The following FSTL4 variants were observed in gnomAD, a reference collection of about 807,000 sequenced individuals.
FSTL4 encodes follistatin like 4, also known as follistatin-related protein 4.
FSTL4 carries 28 observed loss-of-function variants against 78.2 expected under a neutral mutation model. That is an observed-to-expected ratio of 0.36 (90% CI 0.27 to 0.49). The LOEUF (loss-of-function observed/expected upper bound fraction) is 0.49. Ranked by LOEUF, FSTL4 falls within the 20% of genes least tolerant of loss-of-function variation. The pLI, the probability that FSTL4 is intolerant of heterozygous loss-of-function variation, is 0.98. For missense variants in FSTL4, 922 were observed against 1,084.9 expected, an observed-to-expected ratio of 0.85 and a Z score of 2.11; for synonymous variants, 422 against 440.5, an observed-to-expected ratio of 0.96 and a Z score of 0.53.
chr5:133,556,483 T>G (rs1759789295), intron 3 of FSTL4, among the ~76,000 whole-genome samples: 1 of 152,138 alleles, frequency 6.6e-6, no homozygotes, highest in South Asian at 2.1e-4. Context: ...CCCAACACTT[T>G]GGGAGGCTGA....
the FSTL4 span, among the ~76,000 whole-genome samples, chr5:133,773,325 A>G: frequency 6.6e-6 from 1 of 151,540 alleles, no homozygotes; most frequent in Admixed American, 6.6e-5. Flanking sequence ...TGTCCTCGAT[A>G]TTTCTTTCTG....
chr5:133,231,039 T>G (rs368931782), intron 8 of FSTL4, among the ~76,000 whole-genome samples: 38 of 152,018 alleles, frequency 2.5e-4, no homozygotes, highest in African/African-American at 8.7e-4. Context: ...TCTAGATCAT[T>G]CTCGTGTCAC....
the FSTL4 span, among the ~76,000 whole-genome samples, chr5:133,701,794 G>A: frequency 1.3e-3 from 204 of 152,214 alleles, no homozygotes; most frequent in African/African-American, 4.4e-3. Context: ...CCAATAAAAC[G>A]CATGAGTGTG....
At chr5:133,208,033 T>A (rs570334967) in intron 14 of FSTL4, 1 of 152,236 alleles carries the variant, frequency 6.6e-6, no homozygotes, top group Non-Finnish European at 1.5e-5. Flanking sequence ...CTCATTCAAA[T>A]GTCCTCACCT....
chr5:133,629,308 G>A, the FSTL4 span, among the ~76,000 whole-genome samples: 6 of 151,594 alleles, frequency 4.0e-5, no homozygotes, highest in Admixed American at 2.0e-4. Context: ...AGCCTTGCAT[G>A]GGGATATCAC....
At chr5:133,568,070 G>T (rs1365812795) in intron 2 of FSTL4, among the ~76,000 whole-genome samples, 2 of 152,154 alleles carry the variant, frequency 1.3e-5, no homozygotes, top group Non-Finnish European at 2.9e-5. Context: ...AATGGGGGAG[G>T]GAGGGTGGAC....
chr5:133,373,535 C>T (rs1034274676), intron 4 of FSTL4, among the ~76,000 whole-genome samples: 1 of 152,228 alleles, frequency 6.6e-6, no homozygotes, highest in Non-Finnish European at 1.5e-5. Flanking sequence ...GAACAGGCGG[C>T]AGCACCAATG....
chr5:133,397,891 A>C (rs1419365025), intron 4 of FSTL4, among the ~76,000 whole-genome samples: 3 of 152,230 alleles, frequency 2.0e-5, no homozygotes, highest in African/African-American at 7.2e-5. Context: ...ATGAAAAACA[A>C]GGTATTTTTT....
chr5:133,612,652 G>C (rs1355367401), upstream of FSTL4: 1 of 151,764 alleles, frequency 6.6e-6, no homozygotes, highest in Admixed American at 6.6e-5. The surrounding 1 kb of genome is among the most constrained non-coding windows in gnomAD (Gnocchi z 6.2). Flanking sequence ...CGGCGGCCAC[G>C]GCAGGTGCGC....
At chr5:133,354,249 A>G (rs1470745272) in intron 4 of FSTL4, among the ~76,000 whole-genome samples, 1 of 152,200 alleles carries the variant, frequency 6.6e-6, no homozygotes, top group Admixed American at 6.5e-5. Context: ...ACCAGGGTGG[A>G]AAGAGACAAG....
intron 3 of FSTL4, among the ~76,000 whole-genome samples, chr5:133,412,186 T>C (rs145447920): frequency 1.3e-5 from 2 of 152,160 alleles, no homozygotes; most frequent in Non-Finnish European, 2.9e-5. Flanking sequence ...TGCCCCCAGA[T>C]AACCAAGGAA....
At chr5:133,256,660 C>G (rs1348573980) in intron 6 of FSTL4, 1 of 152,210 alleles carries the variant, frequency 6.6e-6, no homozygotes, top group Non-Finnish European at 1.5e-5. Flanking sequence ...TGTCTTAAAG[C>G]CTTTCATCTT....
chr5:133,773,257 CAA>C, the FSTL4 span, among the ~76,000 whole-genome samples: 18 of 128,528 alleles, frequency 1.4e-4, no homozygotes, highest in Non-Finnish European at 1.7e-4. Flanking sequence ...TTCATATGAC[CAA>C]AAAAAAAAAA....
chr5:133,717,143 C>A, the FSTL4 span, among the ~76,000 whole-genome samples: 2 of 152,296 alleles, frequency 1.3e-5, no homozygotes, highest in Admixed American at 6.5e-5. Flanking sequence ...AGAAGCAATC[C>A]AAATAGGAAT....
the FSTL4 span, among the ~76,000 whole-genome samples, chr5:133,731,132 G>C: frequency 6.6e-6 from 1 of 152,022 alleles, no homozygotes; most frequent in Non-Finnish European, 1.5e-5. Flanking sequence ...GATTTAGGGT[G>C]GGCACTTGTT....
rs989928891 is a variant in FSTL4 at position 133,395,760 on chromosome 5, A to T, written c.409+4978T>A. ...CTTCCCCACACTCTCAACCTAGCAA[A>T]CCTTCCCTTGCTCTTCAAAATCCAC... On this transcript the variant is annotated intron_variant, in intron 4 of 15. Coordinates refer to ENST00000265342, the MANE Select transcript of FSTL4 (RefSeq NM_015082.2). Among the ~76,000 whole-genome samples, 3 of 151,986 alleles carry T rather than the reference A, an allele frequency of 2.0e-5. No homozygotes were observed. The South Asian group carries it at 6.2e-4, about 32-fold the overall frequency.
chr5:133,352,269 C>CAT (rs367995365), intron 4 of FSTL4, among the ~76,000 whole-genome samples: 23,368 of 74,644 alleles, frequency 0.31, 2,475 homozygotes, highest in African/African-American at 0.4. Flanking sequence ...TATATACACA[C>CAT]ATATATATAT....
At chr5:133,830,411 C>T in the FSTL4 span, among the ~76,000 whole-genome samples, 12 of 152,160 alleles carry the variant, frequency 7.9e-5, no homozygotes, top group African/African-American at 1.7e-4. Flanking sequence ...GAAGTACCAC[C>T]GCATGGAGGA....
At chr5:133,445,875 G>A (rs1292422529) in intron 3 of FSTL4, among the ~76,000 whole-genome samples, 1 of 152,194 alleles carries the variant, frequency 6.6e-6, no homozygotes, top group Non-Finnish European at 1.5e-5. Flanking sequence ...CAACTTCCAT[G>A]AAAGGTTATA....
Sources: allele counts gnomAD v4.1 joint callset (sites outside exome capture counted in the v4.1 genomes callset), GRCh38; gene constraint gnomAD v4.1.1; non-coding constraint Gnocchi (gnomAD v3.1); transcripts MANE v1.5; gene names NCBI Gene and HGNC (gene_info 2026-07-23, HGNC 2026-07-21).